BTNL2: variants seen among roughly 807,000 people sequenced by gnomAD.
BTNL2 encodes the protein butyrophilin-like protein 2.
A neutral mutation model predicts 46.8 loss-of-function variants in BTNL2; 46 were observed. That is an observed-to-expected ratio of 0.98 (90% confidence interval 0.78 to 1.26). The LOEUF (loss-of-function observed/expected upper bound fraction) is 1.26. Among genes scored for constraint, BTNL2 ranks in the 50% most tolerant of loss-of-function variants. The probability of loss-of-function intolerance (pLI) is 0.00; values close to 1 mark genes in which losing one functional copy is unlikely to be tolerated. For synonymous variants in BTNL2, 226 were observed against 229.1 expected (o/e 0.99, Z 0.12); for missense variants, 461 against 592.6 (o/e 0.78, Z 2.31).
At chr6:32,406,391 A>T (rs1777148280) in intron 1 of BTNL2, 1 of 152,290 alleles carries the variant, frequency 6.6e-6, no homozygotes, top group Non-Finnish European at 1.5e-5. Flanking sequence ...GCACCGAGGC[A>T]GACACACCAG....
At chr6:32,398,873 T>C (rs1776596172) in intron 4 of BTNL2, among the ~76,000 whole-genome samples, 1 of 152,250 alleles carries the variant, frequency 6.6e-6, no homozygotes, top group Non-Finnish European at 1.5e-5. Context: ...TAATAATTGA[T>C]GTTCTACTAG....
Position 32,394,169 on chromosome 6 carries a change from C to G in BTNL2, c.1361-112G>C. The G allele has an allele frequency of 6.9e-7, 1 of 1,445,944 alleles. No homozygotes were observed. The highest frequency in any genetic ancestry group is 1.4e-5 in the South Asian group (1 of 71,502). The allele number at this position is 1,445,944 out of a possible 1,614,324, so 89.6% of individuals were successfully genotyped here. A position where few individuals can be genotyped will look rare whatever the true frequency, so the allele number is the denominator to read the frequency against. The stretch of plus-strand genomic sequence containing the variant: ...GGAGAGAAGGGAGAGAATTTGGCCT[C>G]CCAGGAAGCAGTTGGCCTGCTCCTC... On this transcript the variant is annotated intron_variant, in intron 6 of 7. Coordinates refer to ENST00000454136, the MANE Select transcript of BTNL2 (RefSeq NM_001304561.2). The surrounding 1 kb of genome is among the most constrained non-coding windows in gnomAD (Gnocchi z 4.6).
chr6:32,395,543 T>C (rs1269329822), intron 5 of BTNL2, among the ~76,000 whole-genome samples: 1 of 152,170 alleles, frequency 6.6e-6, no homozygotes, highest in Non-Finnish European at 1.5e-5. Flanking sequence ...TCTGCTAACC[T>C]TGGACGTTTC....
chr6:32,402,850 G>T, intron 3 of BTNL2, 85 bp downstream of exon 3: 2 of 1,362,538 alleles, frequency 1.5e-6, no homozygotes, highest in Non-Finnish European at 2.0e-6. Context: ...AATGTCTCTT[G>T]ATAAAAATAC....
intron 3 of BTNL2, among the ~76,000 whole-genome samples, chr6:32,402,506 G>A (rs1238507303): frequency 6.6e-6 from 1 of 151,984 alleles, no homozygotes; most frequent in African/African-American, 2.4e-5. Flanking sequence ...GTATTGGGGG[G>A]TTGGTTGTTT....
intron 4 of BTNL2, among the ~76,000 whole-genome samples, chr6:32,397,234 C>T (rs1181810357): frequency 6.6e-6 from 1 of 152,206 alleles, no homozygotes; most frequent in Non-Finnish European, 1.5e-5. Flanking sequence ...AACTTAGGAG[C>T]TAAGGCTAAC....
intron 3 of BTNL2, 150 bp from the exon 4 acceptor site, chr6:32,401,955 C>A: frequency 1.7e-6 from 1 of 589,612 alleles, no homozygotes; most frequent in Non-Finnish European, 2.8e-6. Context: ...GATTCTTTCC[C>A]ACAGATTACC....
rs75415018 is a variant in BTNL2 at position 32,403,083 on chromosome 6, G to T, written c.561C>A (p.Ala187=). The T allele has an allele frequency of 1.9e-6, 3 of 1,612,882 alleles. 1 individual carries two copies. The highest frequency in any genetic ancestry group is 2.5e-6 in the Non-Finnish European group (3 of 1,179,938). The change falls in exon 3 of 8, where the codon GCC becomes GCA. Residue 187 remains alanine, a synonymous_variant. Coordinates refer to ENST00000454136, the MANE Select transcript of BTNL2 (RefSeq NM_001304561.2). Reference sequence around the variant, plus strand: ...TATCTTGGATGCGATGCTCAGACACGGCCAGCAGCTTCTCTCCCCGGATGT... The same window carrying T: ...TATCTTGGATGCGATGCTCAGACACTGCCAGCAGCTTCTCTCCCCGGATGT... The part of the protein sequence containing the change: ...WEDIRGEKLL[A]VSEHRIQDKD...
At position 32,394,892 on chromosome 6, in the gene BTNL2, T is replaced by G. The variant is rs41449245; in HGVS notation, c.1212A>C (p.Ser404=). The change falls in exon 6 of 8, where the codon TCA becomes TCC. Residue 404 remains serine (S), a synonymous_variant. Coordinates refer to ENST00000454136, the MANE Select transcript of BTNL2 (RefSeq NM_001304561.2). The surrounding 1 kb of genome is among the most constrained non-coding windows in gnomAD (Gnocchi z 4.6). ...WRDMEGKTIP[S]SSQALTQGSH... is the part of the protein sequence containing the mutation. ...TGCCTTGAGTCAGGGCCTGGGAAGA[T>G]GATGGTATCGTCTTTCCTTCCATGT... 247,067 of 1,611,680 alleles carry G rather than the reference T, an allele frequency of 0.15. 20,225 individuals carry two copies. Among genetic ancestry groups the G allele is most frequent in the East Asian group, 0.22 (10,001 of 44,556 alleles).
rs770858756 is a variant in BTNL2 at position 32,405,080 on chromosome 6, C to G, written c.286G>C (p.Glu96Gln). The G allele has an allele frequency of 6.2e-7, 1 of 1,612,960 alleles. No individual in the cohort carries two copies. The highest frequency in any genetic ancestry group is 1.3e-5 in the African/African-American group (1 of 74,928). The stretch of plus-strand genomic sequence containing the variant: ...TTTGCAATGCCATTCTCTATCCACT[C>G]TACCCAGCCTCTGTACTCCTCCATC... ...MQMEEYRGWVEWIENGIAKGN... is the reference protein window; with the variant it reads ...MQMEEYRGWVQWIENGIAKGN... Residue 96 changes from glutamate to glutamine, a missense_variant, in exon 2 of 8, where the codon GAG becomes CAG. Physicochemically the swap from Glu to Gln is conservative, Grantham distance 29. Coordinates refer to ENST00000454136, the MANE Select transcript of BTNL2 (RefSeq NM_001304561.2).
In BTNL2 at chr6:32,396,479, A is replaced by G. The variant is rs1341595476; in HGVS notation, c.731-93T>C. The G allele has an allele frequency of 7.9e-7, 1 of 1,262,586 alleles. No homozygotes were observed. The highest frequency in any genetic ancestry group is 1.1e-6 in the Non-Finnish European group (1 of 896,722). The allele number at this position is 1,262,586 out of a possible 1,614,324, so 78.2% of individuals were successfully genotyped here. A position where few individuals can be genotyped will look rare whatever the true frequency, so the allele number is the denominator to read the frequency against. On this transcript the variant is annotated intron_variant, in intron 4 of 7. Coordinates refer to ENST00000454136, the MANE Select transcript of BTNL2 (RefSeq NM_001304561.2). This position sits in a 1 kb window ranked among gnomAD's most constrained non-coding sequence, Gnocchi z 4.4. ...ACAGCTCCATTGGAGTTTAGAAACC[A>G]TGAGCATCCCAGGGTTGCTGTGAGG... is the stretch of plus-strand genomic sequence containing the variant.
At position 32,394,110 on chromosome 6, in the gene BTNL2, A is replaced by G. The variant is rs1244181442; in HGVS notation, c.1361-53T>C. The G allele has an allele frequency of 6.5e-7, 1 of 1,545,040 alleles. No homozygotes were observed. Among genetic ancestry groups the G allele is most frequent in the Non-Finnish European group, 8.7e-7 (1 of 1,143,752 alleles). ...AAACTGTGAAACTGGGACAATATTA[A>G]GATTGTACTTTTCATCTGAGCAGCT... is the stretch of plus-strand genomic sequence containing the variant. On this transcript the variant is annotated intron_variant, in intron 6 of 7. Coordinates refer to ENST00000454136, the MANE Select transcript of BTNL2 (RefSeq NM_001304561.2). The surrounding 1 kb of genome is among the most constrained non-coding windows in gnomAD (Gnocchi z 4.6).
Position 32,400,745 on chromosome 6 carries a change from TA to T in BTNL2, c.730+1039del, listed in dbSNP as rs55703731. ...CAACATGGTGAAACCCCGTCTCTAC[TA>T]AAAAAAAAAAAAAAAAATTAGCTGG... On this transcript the variant is annotated intron_variant, in intron 4 of 7. Transcript: ENST00000454136. 7.0e-3 allele frequency among the ~76,000 whole-genome samples: 572 copies of T among 82,106 alleles called. 9 individuals are homozygous for T. The highest frequency in any genetic ancestry group is 0.017 in the African/African-American group (392 of 22,914). 53.9% of individuals were successfully genotyped at this position (82,106 alleles called of 152,430 possible). A position where few individuals can be genotyped will look rare whatever the true frequency, so the allele number is the denominator to read the frequency against.
intron 2 of BTNL2, among the ~76,000 whole-genome samples, chr6:32,404,600 C>T (rs1236209009): frequency 1.3e-5 from 2 of 152,200 alleles, no homozygotes; most frequent in Non-Finnish European, 2.9e-5. Flanking sequence ...AGATGCCGGA[C>T]GTCAGCTGGG....
chr6:32,394,076 A>G lies in BTNL2; in HGVS notation c.1361-19T>C. 3 of 1,549,128 alleles carry G rather than the reference A, an allele frequency of 1.9e-6. No homozygotes were observed. The highest frequency in any genetic ancestry group is 2.6e-6 in the Non-Finnish European group (3 of 1,145,876). ...CTGGACTCTAAAATGGAAACCCAAG[A>G]ATCCCTTGAAACTGTGAAACTGGGA... On this transcript the variant is annotated intron_variant, in intron 6 of 7. Coordinates refer to ENST00000454136, the MANE Select transcript of BTNL2 (RefSeq NM_001304561.2). The surrounding 1 kb of genome is among the most constrained non-coding windows in gnomAD (Gnocchi z 4.6).
Position 32,394,600 on chromosome 6 carries a change from A to G in BTNL2, c.1360+144T>C, listed in dbSNP as rs1776326281. The G allele has an allele frequency of 1.0e-5, 10 of 958,630 alleles. No homozygotes were observed. The East Asian group carries it at 2.6e-4, about 25-fold the overall frequency. 59.4% of individuals were successfully genotyped at this position (958,630 alleles called of 1,614,324 possible). A position where few individuals can be genotyped will look rare whatever the true frequency, so the allele number is the denominator to read the frequency against. ...AGTAGAATCCCTGGGTGTCCTGAAA[A>G]CCAGCTTTGCAGAGGATAGCAGGAG... On this transcript the variant is annotated intron_variant, in intron 6 of 7. Transcript: ENST00000454136. The surrounding 1 kb of genome is among the most constrained non-coding windows in gnomAD (Gnocchi z 4.6).
At chr6:32,403,360 T>G (rs1776914864) in intron 2 of BTNL2, 144 bp from the exon 3 acceptor site, 1 of 844,636 alleles carries the variant, frequency 1.2e-6, no homozygotes, top group Admixed American at 2.9e-5. Context: ...GTCTCCCCAT[T>G]CAAATGTGAG....
Position 32,396,450 on chromosome 6 carries a change from A to C in BTNL2, c.731-64T>G. ...AAATGGAACCAATAATGTCATCTCT[A>C]AGAACAGCTCCATTGGAGTTTAGAA... On this transcript the variant is annotated intron_variant, in intron 4 of 7. Transcript: ENST00000454136. This position sits in a 1 kb window ranked among gnomAD's most constrained non-coding sequence, Gnocchi z 4.4. The C allele has an allele frequency of 6.9e-7, 1 of 1,439,782 alleles. No individual in the cohort carries two copies. Among genetic ancestry groups the C allele is most frequent in the Non-Finnish European group, 9.5e-7 (1 of 1,048,576 alleles). The allele number at this position is 1,439,782 out of a possible 1,614,324, so 89.2% of individuals were successfully genotyped here.
At chr6:32,395,933 A>G (rs1382866443) in intron 5 of BTNL2, 106 bp downstream of exon 5, 2 of 893,068 alleles carry the variant, frequency 2.2e-6, no homozygotes, top group South Asian at 1.8e-5. Flanking sequence ...TTGATGATGA[A>G]TAAGCATTAA....
Sources: allele counts gnomAD v4.1 joint callset (sites outside exome capture counted in the v4.1 genomes callset), GRCh38; gene constraint gnomAD v4.1.1; non-coding constraint Gnocchi (gnomAD v3.1); transcripts MANE v1.5; gene names NCBI Gene and HGNC (gene_info 2026-07-23, HGNC 2026-07-21).